The following APEX2 variants were observed in gnomAD, a reference collection of about 807,000 sequenced individuals.
The protein encoded by APEX2 is DNA-(apurinic or apyrimidinic site) endonuclease 2.
APEX2 carries 4 observed loss-of-function variants against 16.7 expected under a neutral mutation model. The ratio of observed to expected loss-of-function variants is 0.24; its 90% CI spans 0.12 to 0.55. The LOEUF is 0.55. APEX2 is among the 20% of genes least tolerant of loss of function. The pLI is 0.94. For synonymous variants in APEX2, 181 were observed against 166.9 expected (o/e 1.08, Z -0.65); for missense variants, 357 against 433.6 (o/e 0.82, Z 1.57).
At chrX:55,006,385 C>T (rs1393612167) in intron 5 of APEX2, 133 bp from the exon 6 acceptor site, 1 of 409,646 alleles carries the variant, frequency 2.4e-6, no homozygotes, top group Non-Finnish European at 3.9e-6. Context: ...GACTGTGTGA[C>T]CTTGAGCAGT....
chrX:55,003,091 C>T lies in APEX2; in HGVS notation c.552C>T (p.Ala184=), dbSNP rs748577609. Residue 184 remains alanine (A), a synonymous_variant, in exon 4 of 6, where the codon GCC becomes GCT. Coordinates refer to ENST00000374987, the MANE Select transcript of APEX2 (RefSeq NM_014481.4). ...FYRLLQIRAE[A]LLAAGSHVII... ...GTTTGCTGCAAATCCGAGCAGAAGCCCTCCTGGCGGCAGGCAGGTACTGCA... is the reference window on the plus strand; with the variant it reads ...GTTTGCTGCAAATCCGAGCAGAAGCTCTCCTGGCGGCAGGCAGGTACTGCA... 5.8e-6 allele frequency: 7 copies of T among 1,210,450 alleles called. No homozygotes were observed. In the East Asian group the frequency reaches 2.1e-4, roughly 36 times the overall value.
Position 55,007,304 on chromosome X carries a change from T to C in APEX2, c.1426T>C (p.Cys476Arg), listed in dbSNP as rs780074500. The C allele has an allele frequency of 1.7e-6, 2 of 1,211,776 alleles. No individual in the cohort carries two copies. The highest frequency in any genetic ancestry group is 2.2e-5 in the Admixed American group (1 of 46,092). The change falls in exon 6 of 6, where the codon TGT (cysteine) becomes CGT (arginine). Residue 476 changes from cysteine to arginine, a missense_variant. Physicochemically the swap from Cys to Arg is radical, Grantham distance 180 (BLOSUM62 -3). Transcript: ENST00000374987. ...CCTCTGTGGGGGCCACAGGGAGCCA[T>C]GTGTGATGCGTACTGTGAAGAAGCC... ...TPLCGGHREP[C>R]VMRTVKKPGP...
chrX:55,000,666 G>C (rs1935426541), intron 1 of APEX2, 87 bp downstream of exon 1: 3 of 1,044,413 alleles, frequency 2.9e-6, no homozygotes, highest in Non-Finnish European at 3.8e-6. Flanking sequence ...TACTTTCCCA[G>C]TTTCCTATTC....
In APEX2 at chrX:55,007,277, C is replaced by A; in HGVS notation, c.1399C>A (p.Pro467Thr). The change falls in exon 6 of 6, where the codon CCC becomes ACC. Residue 467 changes from proline to threonine, a missense_variant. Pro to Thr is a conservative substitution (Grantham distance 38). Coordinates refer to ENST00000374987, the MANE Select transcript of APEX2 (RefSeq NM_014481.4). ...TGTGCTGGCGGGGCCCTTGCGCACA[C>A]CCCTCTGTGGGGGCCACAGGGAGCC... ...KSVLAGPLRT[P>T]LCGGHREPCV... 1 of 1,212,155 alleles carries A rather than the reference C, an allele frequency of 8.2e-7. No homozygotes were observed. The highest frequency in any genetic ancestry group is 2.2e-5 in the Admixed American group (1 of 46,135).
chrX:55,006,824 G>T lies in APEX2; in HGVS notation c.946G>T (p.Val316Leu), dbSNP rs1569547672. ...PVGAVLSVSSVPAKQCPPLCT... is the reference protein window; with the variant it reads ...PVGAVLSVSSLPAKQCPPLCT... ...GGGTGCAGTCTTGAGTGTGTCCTCT[G>T]TGCCTGCAAAACAGTGCCCACCTCT... The change falls in exon 6 of 6, where the codon GTG becomes TTG. Residue 316 changes from valine to leucine, a missense_variant. By Grantham distance (32) the Val-to-Leu change is conservative (BLOSUM62 1). Transcript: ENST00000374987. 9 of 1,210,092 alleles carry T rather than the reference G, an allele frequency of 7.4e-6. No homozygotes were observed. Among genetic ancestry groups the T allele is most frequent in the African/African-American group, 1.7e-5 (1 of 57,192 alleles).
chrX:55,000,905 A>C (rs1935432110), intron 1 of APEX2, among the ~76,000 whole-genome samples: 1 of 108,803 alleles, frequency 9.2e-6, no homozygotes, highest in Admixed American at 9.8e-5. Flanking sequence ...AAACCCCCGA[A>C]TTCTTCATCC....
rs1047665548 is a variant in APEX2 at position 55,006,223 on chromosome X, C to T, written c.640-295C>T. Among the ~76,000 whole-genome samples, 17 of 110,470 alleles carry T rather than the reference C, an allele frequency of 1.5e-4. 1 individual carries two copies. Among genetic ancestry groups the T allele is most frequent in the Non-Finnish European group, 2.1e-4 (11 of 52,951 alleles). On this transcript the variant is annotated intron_variant, in intron 5 of 5. Coordinates refer to ENST00000374987, the MANE Select transcript of APEX2 (RefSeq NM_014481.4). ...TCCTGTTTTCCATCCTTTTGAAAAG[C>T]AGTTCCAGGAATTGCTTTGAGTAAG...
chrX:55,004,240 C>T (rs189449767), intron 5 of APEX2, among the ~76,000 whole-genome samples: 78 of 112,724 alleles, frequency 6.9e-4, no homozygotes, highest in Admixed American at 2.0e-3. Flanking sequence ...CCTAGGTGAG[C>T]TCGGACATCA....
chrX:55,002,007 A>G (rs911596812), intron 2 of APEX2, among the ~76,000 whole-genome samples: 5 of 112,376 alleles, frequency 4.4e-5, no homozygotes, highest in African/African-American at 1.6e-4. Flanking sequence ...GAATTAATCC[A>G]TGTGATAATA....
In APEX2 at chrX:55,002,323, C is replaced by G; in HGVS notation, c.314C>G (p.Thr105Ser). The G allele has an allele frequency of 7.4e-6, 9 of 1,211,135 alleles. No individual in the cohort carries two copies. Among genetic ancestry groups the G allele is most frequent in the Non-Finnish European group, 8.9e-6 (8 of 895,162 alleles). The stretch of plus-strand genomic sequence containing the variant: ...GAAGGCCTGAGTGGCCTGTTTGCCA[C>G]CCAGAATGGGGATGTTGGTTGCTAT... ...AEEGLSGLFA[T>S]QNGDVGCYGN... Residue 105 changes from threonine to serine, a missense_variant, in exon 3 of 6, where the codon ACC becomes AGC. Physicochemically the swap from Thr to Ser is moderately conservative, Grantham distance 58. Coordinates refer to ENST00000374987, the MANE Select transcript of APEX2 (RefSeq NM_014481.4).
rs776205786 is a variant in APEX2 at position 55,007,108 on chromosome X, A to T, written c.1230A>T (p.Ile410=). Residue 410 remains isoleucine, a synonymous_variant, in exon 6 of 6, where the codon ATA becomes ATT. Transcript: ENST00000374987. Reference sequence around the variant, plus strand: ...GCTGTCCCCAAGCCTCTCCTGACATAGAGCTGCCTAGCCTACCACTGATGA... The same window carrying T: ...GCTGTCCCCAAGCCTCTCCTGACATTGAGCTGCCTAGCCTACCACTGATGA... ...SPSCPQASPD[I]ELPSLPLMSA... The T allele has an allele frequency of 2.4e-5, 29 of 1,210,209 alleles. No individual in the cohort carries two copies. Among genetic ancestry groups the T allele is most frequent in the Non-Finnish European group, 2.3e-5 (21 of 895,279 alleles).
intron 4 of APEX2, 145 bp from the exon 5 acceptor site, chrX:55,003,654 T>C: frequency 4.1e-6 from 2 of 482,474 alleles, no homozygotes; most frequent in Non-Finnish European, 7.0e-6. Flanking sequence ...TGTGGTAAGA[T>C]TGGAGAGGTA....
Position 55,007,253 on chromosome X carries a change from G to C in APEX2, c.1375G>C (p.Val459Leu). The C allele has an allele frequency of 8.2e-7, 1 of 1,212,361 alleles. No individual in the cohort carries two copies. Among genetic ancestry groups the C allele is most frequent in the Non-Finnish European group, 1.1e-6 (1 of 895,650 alleles). ...KELRTSFWKSVLAGPLRTPLC... is the reference protein window; with the variant it reads ...KELRTSFWKSLLAGPLRTPLC... ...GTTACGGACCTCATTCTGGAAGTCTGTGCTGGCGGGGCCCTTGCGCACACC... is the reference window on the plus strand; with the variant it reads ...GTTACGGACCTCATTCTGGAAGTCTCTGCTGGCGGGGCCCTTGCGCACACC... The change falls in exon 6 of 6, where the codon GTG (valine) becomes CTG (leucine). Residue 459 changes from valine (V) to leucine (L), a missense_variant. Physicochemically the swap from Val to Leu is conservative, Grantham distance 32. Coordinates refer to ENST00000374987, the MANE Select transcript of APEX2 (RefSeq NM_014481.4).
chrX:55,007,283 T>C lies in APEX2; in HGVS notation c.1405T>C (p.Cys469Arg). The change falls in exon 6 of 6, where the codon TGT (cysteine) becomes CGT (arginine). Residue 469 changes from cysteine (C) to arginine (R), a missense_variant. Coordinates refer to ENST00000374987, the MANE Select transcript of APEX2 (RefSeq NM_014481.4). ...GGCGGGGCCCTTGCGCACACCCCTC[T>C]GTGGGGGCCACAGGGAGCCATGTGT... ...VLAGPLRTPLCGGHREPCVMR... is the reference protein window; with the variant it reads ...VLAGPLRTPLRGGHREPCVMR... 8.3e-7 allele frequency: 1 copy of C among 1,212,091 alleles called. No individual in the cohort carries two copies. Among genetic ancestry groups the C allele is most frequent in the Non-Finnish European group, 1.1e-6 (1 of 895,537 alleles).
intron 2 of APEX2, among the ~76,000 whole-genome samples, chrX:55,002,039 G>T (rs1935450705): frequency 8.9e-6 from 1 of 112,599 alleles, no homozygotes; most frequent in Admixed American, 9.3e-5. Context: ...TACGTCTTGA[G>T]CACTCACCAT....
rs768293422 is a variant in APEX2 at position 55,007,312 on chromosome X, G to C, written c.1434G>C (p.Met478Ile). The C allele has an allele frequency of 8.3e-7, 1 of 1,211,729 alleles. No individual in the cohort carries two copies. The highest frequency in any genetic ancestry group is 1.1e-6 in the Non-Finnish European group (1 of 895,397). ...GGGGCCACAGGGAGCCATGTGTGAT[G>C]CGTACTGTGAAGAAGCCAGGACCCA... ...LCGGHREPCV[M>I]RTVKKPGPNL... Residue 478 changes from methionine (M) to isoleucine (I), a missense_variant, in exon 6 of 6, where the codon ATG (methionine) becomes ATC (isoleucine). Coordinates refer to ENST00000374987, the MANE Select transcript of APEX2 (RefSeq NM_014481.4).
Position 55,000,375 on chromosome X carries a change from G to T in APEX2, c.-48G>T, listed in dbSNP as rs377350221. On this transcript the variant is annotated 5_prime_UTR_variant, in exon 1 of 6. Coordinates refer to ENST00000374987, the MANE Select transcript of APEX2 (RefSeq NM_014481.4). ...CCAACTTCTGAACAGGAAGCAGTTCGCTCGCGCCTAGGTTGGCGCGGGCTG... is the reference window on the plus strand; with the variant it reads ...CCAACTTCTGAACAGGAAGCAGTTCTCTCGCGCCTAGGTTGGCGCGGGCTG... 8.9e-5 allele frequency: 98 copies of T among 1,097,305 alleles called. No homozygotes were observed. Among genetic ancestry groups the T allele is most frequent in the Non-Finnish European group, 1.0e-4 (88 of 839,175 alleles). 90.4% of individuals were successfully genotyped at this position (1,097,305 alleles called of 1,213,427 possible).
Position 55,008,974 on chromosome X carries a change from A to T in APEX2, c.*1539A>T. The T allele has an allele frequency of 2.2e-6, 1 of 463,466 alleles. No homozygotes were observed. Among genetic ancestry groups the T allele is most frequent in the Non-Finnish European group, 3.7e-6 (1 of 269,076 alleles). 38.2% of individuals were successfully genotyped at this position (463,466 alleles called of 1,213,427 possible). ...TGGAATGGTGACCAACAAGTGACCTATGGTTACCTCATAGATCTGCCACTT... is the reference window on the plus strand; with the variant it reads ...TGGAATGGTGACCAACAAGTGACCTTTGGTTACCTCATAGATCTGCCACTT... On this transcript the variant is annotated 3_prime_UTR_variant, in exon 6 of 6. Transcript: ENST00000374987.
At chrX:55,002,851 C>T (rs1935462013) in intron 3 of APEX2, 111 bp from the exon 4 acceptor site, 4 of 875,907 alleles carry the variant, frequency 4.6e-6, no homozygotes, top group African/African-American at 2.0e-5. Context: ...TCTCTTTAAC[C>T]CCTTTCTTTT....
Sources: gnomAD v4.1 joint callset for allele counts (sites outside exome capture counted in the v4.1 genomes callset) on GRCh38, gnomAD v4.1.1 for gene constraint, MANE v1.5 for transcripts, NCBI Gene and HGNC (gene_info 2026-07-23, HGNC 2026-07-21) for gene names.